Variants in PTCHD4 observed in about 807,000 individuals in gnomAD.
PTCHD4 encodes patched domain containing 4.
Under a neutral mutation model 58.1 loss-of-function variants are expected in PTCHD4, and 33 were observed. The ratio of observed to expected loss-of-function variants is 0.57; its 90% CI spans 0.43 to 0.76. The LOEUF is 0.76. Ranked by LOEUF, PTCHD4 falls within the 30% of genes least tolerant of loss-of-function variation. The pLI is 0.00. For missense variants in PTCHD4, 1,058 were observed against 1,027.1 expected, an observed-to-expected ratio of 1.03 and a Z score of -0.41; for synonymous variants, 478 against 409.6, an observed-to-expected ratio of 1.17 and a Z score of -2.02.
chr6:48,081,660 C>T (rs1446418027), intron 1 of PTCHD4, among the ~76,000 whole-genome samples: 1 of 152,062 alleles, frequency 6.6e-6, no homozygotes, highest in African/African-American at 2.4e-5. Context: ...AAAGGAAGTA[C>T]ATAATTGCTT....
rs545655053 is a variant in PTCHD4 at position 47,974,995 on chromosome 6, AAAAC to A, written c.898+33635_898+33638del. Among the ~76,000 whole-genome samples, 599 of 152,256 alleles carry A rather than the reference AAAAC, an allele frequency of 3.9e-3. 7 individuals are homozygous for A. Among genetic ancestry groups the A allele is most frequent in the African/African-American group, 0.013 (559 of 41,560 alleles). ...TCCTACGTACTGGAGATTCCATGGTAAAACAAACAAACAAACAAACAAAACAAAA... is the reference window on the plus strand; with the variant it reads ...TCCTACGTACTGGAGATTCCATGGTAAAACAAACAAACAAACAAAACAAAA... On this transcript the variant is annotated intron_variant, in intron 4 of 4. Transcript: ENST00000339488.
chr6:48,021,695 C>T (rs1233454318), intron 3 of PTCHD4, among the ~76,000 whole-genome samples: 8 of 151,822 alleles, frequency 5.3e-5, no homozygotes, highest in Non-Finnish European at 1.0e-4. Flanking sequence ...AGGAAATATG[C>T]CATTGATTTA....
chr6:47,936,070 AG>A (rs200397347), intron 4 of PTCHD4, among the ~76,000 whole-genome samples: 415 of 152,290 alleles, frequency 2.7e-3, no homozygotes, highest in Middle Eastern at 0.01. Flanking sequence ...TTGGAAACAC[AG>A]AAATGACCTG....
chr6:48,107,452 A>C (rs1765755908), intron 1 of PTCHD4, among the ~76,000 whole-genome samples: 1 of 152,236 alleles, frequency 6.6e-6, no homozygotes, highest in Non-Finnish European at 1.5e-5. Context: ...AATTAATTCA[A>C]GATGTATTAA....
intron 4 of PTCHD4, among the ~76,000 whole-genome samples, chr6:47,930,651 T>C (rs559443990): frequency 6.6e-6 from 1 of 152,206 alleles, no homozygotes; most frequent in Non-Finnish European, 1.5e-5. Context: ...TTCCAAGTGA[T>C]AGTTCTGGAC....
chr6:48,058,838 T>C (rs1764510457), intron 3 of PTCHD4, among the ~76,000 whole-genome samples: 2 of 152,214 alleles, frequency 1.3e-5, no homozygotes, highest in South Asian at 4.1e-4. Flanking sequence ...TGCAGGCAGC[T>C]CCAGTTCTTC....
In PTCHD4 at chr6:48,069,821, AC is replaced by A. The variant is rs1179412393; in HGVS notation, c.-865del. 1.3e-5 allele frequency among the ~76,000 whole-genome samples: 2 copies of A among 151,814 alleles called. No individual in the cohort carries two copies. The highest frequency in any genetic ancestry group is 2.9e-5 in the Non-Finnish European group (2 of 67,948). On this transcript the variant is annotated 5_prime_UTR_variant, in exon 2 of 5. An upstream open reading frame in the 5' UTR loses its in-frame stop. Coordinates refer to ENST00000339488, the MANE Select transcript of PTCHD4 (RefSeq NM_001384253.1). ...GTCCCCTTTTCCAGTGTCTCCTTCC[AC>A]CCCTCACCCATGAGGACTGTTTCAA...
chr6:47,882,938 T>C (rs940049429), intron 4 of PTCHD4, among the ~76,000 whole-genome samples: 8 of 151,508 alleles, frequency 5.3e-5, no homozygotes, highest in African/African-American at 1.9e-4. Context: ...TCTGGTAAAG[T>C]GATAGATGCC....
intron 1 of PTCHD4, among the ~76,000 whole-genome samples, chr6:48,093,842 T>C (rs1765412055): frequency 6.6e-6 from 1 of 152,190 alleles, no homozygotes; most frequent in East Asian, 1.9e-4. Context: ...TTACATCTCC[T>C]TTGAGAAGGG....
chr6:48,005,739 T>A (rs536589888), intron 4 of PTCHD4, among the ~76,000 whole-genome samples: 1 of 152,198 alleles, frequency 6.6e-6, no homozygotes, highest in Admixed American at 6.5e-5. Flanking sequence ...GGATAACATA[T>A]ACTTTAAAGA....
intron 4 of PTCHD4, among the ~76,000 whole-genome samples, chr6:47,887,834 A>G (rs1764241529): frequency 6.6e-6 from 1 of 152,204 alleles, no homozygotes; most frequent in Non-Finnish European, 1.5e-5. Flanking sequence ...CTCAATTTAT[A>G]CAATGGCCAA....
At chr6:47,890,045 A>G (rs542849725) in intron 4 of PTCHD4, among the ~76,000 whole-genome samples, 92 of 150,114 alleles carry the variant, frequency 6.1e-4, no homozygotes, top group African/African-American at 1.5e-3. Flanking sequence ...ATATATATAT[A>G]TGTGTGTGTG....
chr6:48,017,900 G>T (rs1762921119), intron 3 of PTCHD4, among the ~76,000 whole-genome samples: 1 of 152,158 alleles, frequency 6.6e-6, no homozygotes, highest in Non-Finnish European at 1.5e-5. Context: ...CTTGCTTAGA[G>T]TCCCAAACTC....
chr6:48,068,506 T>C lies in PTCHD4; in HGVS notation c.141A>G (p.Ala47=). The C allele has an allele frequency of 6.2e-7, 1 of 1,613,048 alleles. No individual in the cohort carries two copies. ...TGAGGCCGAAGGTGATTGTCAGGAC[T>C]GCGGGCACGGTGAGGAAAAAGACCG... ...RHPVFFLTVP[A]VLTITFGLSA... The change falls in exon 3 of 5, where the codon GCA becomes GCG. Residue 47 remains alanine, a synonymous_variant. Coordinates refer to ENST00000339488, the MANE Select transcript of PTCHD4 (RefSeq NM_001384253.1). This position sits in a 1 kb window ranked among gnomAD's most constrained non-coding sequence, Gnocchi z 4.2.
intron 4 of PTCHD4, among the ~76,000 whole-genome samples, chr6:47,883,076 A>G (rs1202193471): frequency 6.6e-6 from 1 of 152,014 alleles, no homozygotes; most frequent in Non-Finnish European, 1.5e-5. Flanking sequence ...CTATATAAAT[A>G]TCGATTGTAT....
rs183335918 is a variant in PTCHD4 at position 48,035,646 on chromosome 6, G to A, written c.418-26532C>T. On this transcript the variant is annotated intron_variant, in intron 3 of 4. Transcript: ENST00000339488. ...TTCATGTTTGCATTGTCCAATTTTA[G>A]CAAGAATCCTCCTAGGTCAGTTTAG... Among the ~76,000 whole-genome samples the A allele has an allele frequency of 2.1e-3, 317 of 152,114 alleles. 1 individual carries two copies. Among genetic ancestry groups the A allele is most frequent in the African/African-American group, 6.5e-3 (270 of 41,522 alleles).
intron 4 of PTCHD4, among the ~76,000 whole-genome samples, chr6:47,948,524 T>A (rs563300371): frequency 4.6e-5 from 7 of 152,324 alleles, no homozygotes; most frequent in Middle Eastern, 3.4e-3. Flanking sequence ...AGCTTATTTA[T>A]TTTTGCTACT....
chr6:47,958,694 G>A (rs1433928613), intron 4 of PTCHD4, among the ~76,000 whole-genome samples: 1 of 152,146 alleles, frequency 6.6e-6, no homozygotes, highest in Non-Finnish European at 1.5e-5. Flanking sequence ...ATTCAGGGGA[G>A]TACTGATTAG....
intron 1 of PTCHD4, among the ~76,000 whole-genome samples, chr6:48,094,346 C>G (rs766588414): frequency 3.3e-5 from 5 of 152,152 alleles, no homozygotes; most frequent in Non-Finnish European, 5.9e-5. Context: ...GAAGAATCCA[C>G]TTGAGGGAAC....
Sources: gnomAD v4.1 joint callset for allele counts (sites outside exome capture counted in the v4.1 genomes callset) on GRCh38, gnomAD v4.1.1 for gene constraint, Gnocchi (gnomAD v3.1) non-coding constraint, MANE v1.5 for transcripts, NCBI Gene and HGNC (gene_info 2026-07-23, HGNC 2026-07-21) for gene names.